Variants in LINGO2 observed in about 807,000 individuals in gnomAD.
LINGO2 encodes the protein leucine-rich repeat and immunoglobulin-like domain-containing nogo receptor-interacting protein 2.
Under a neutral mutation model 30.6 loss-of-function variants are expected in LINGO2, and 14 were observed. The ratio of observed to expected loss-of-function variants is 0.46; its 90% confidence interval spans 0.30 to 0.72. The LOEUF is 0.72. Among genes scored for constraint, LINGO2 ranks in the 30% least tolerant of loss-of-function variants. The pLI is 0.07. For missense variants in LINGO2, 729 were observed against 751.7 expected (o/e 0.97, Z 0.35); for synonymous variants, 317 against 288.5 (o/e 1.10, Z -1.00).
At chr9:28,068,891 G>C (rs1023671121) in intron 4 of LINGO2, among the ~76,000 whole-genome samples, 2 of 152,116 alleles carry the variant, frequency 1.3e-5, no homozygotes, top group Non-Finnish European at 2.9e-5. Context: ...AGTATACCAT[G>C]TGCTTACTAT....
the LINGO2 span, among the ~76,000 whole-genome samples, chr9:28,732,720 C>A: frequency 6.6e-6 from 1 of 152,238 alleles, no homozygotes; most frequent in East Asian, 1.9e-4. Flanking sequence ...ATGTGCAATG[C>A]CCAGTGCATT....
intron 1 of LINGO2, among the ~76,000 whole-genome samples, chr9:28,637,183 C>A (rs1311730517): frequency 6.6e-6 from 1 of 152,076 alleles, no homozygotes; most frequent in Non-Finnish European, 1.5e-5. Context: ...TGGTCTATAT[C>A]TCTGTTTTGG....
rs77468176 is a variant in LINGO2 at position 28,507,063 on chromosome 9, A to T, written c.-364-31038T>A. ...CACATTTACCAGCTGAAAATTCTTG[A>T]GCATCAAGGTCTAGGAAGGCAGCAA... On this transcript the variant is annotated intron_variant, in intron 1 of 5. Transcript: ENST00000379992. Among the ~76,000 whole-genome samples the T allele has an allele frequency of 2.0e-3, 298 of 152,262 alleles. 1 individual carries two copies. The highest frequency in any genetic ancestry group is 3.8e-3 in the Non-Finnish European group (257 of 67,992).
intron 4 of LINGO2, among the ~76,000 whole-genome samples, chr9:28,110,788 G>A (rs369992552): frequency 1.5e-4 from 23 of 152,132 alleles, no homozygotes; most frequent in African/African-American, 4.6e-4. Flanking sequence ...ACTGTTAGTG[G>A]GAGTGTAAAT....
At chr9:28,306,397 C>T (rs566538813) in intron 3 of LINGO2, among the ~76,000 whole-genome samples, 84 of 152,204 alleles carry the variant, frequency 5.5e-4, no homozygotes, top group African/African-American at 1.9e-3. Flanking sequence ...AAAGACACAA[C>T]GTACCAGAAT....
At chr9:28,441,622 A>G (rs1009795674) in intron 2 of LINGO2, among the ~76,000 whole-genome samples, 1 of 152,102 alleles carries the variant, frequency 6.6e-6, no homozygotes, top group African/African-American at 2.4e-5. Context: ...CAAGACAGGG[A>G]CTTTGACATC....
intron 1 of LINGO2, among the ~76,000 whole-genome samples, chr9:28,634,309 T>A (rs1010748066): frequency 3.9e-5 from 6 of 152,024 alleles, no homozygotes; most frequent in African/African-American, 1.4e-4. Context: ...AATGAGCATT[T>A]AAATTTACTA....
At chr9:28,565,012 C>T (rs1449408378) in intron 1 of LINGO2, among the ~76,000 whole-genome samples, 1 of 151,962 alleles carries the variant, frequency 6.6e-6, no homozygotes, top group Non-Finnish European at 1.5e-5. Flanking sequence ...TCCTGTACAC[C>T]CCTCCAAATT....
the LINGO2 span, among the ~76,000 whole-genome samples, chr9:28,798,868 G>A: frequency 1.3e-5 from 2 of 152,028 alleles, no homozygotes; most frequent in Admixed American, 1.3e-4. Flanking sequence ...GAAAAATAAG[G>A]ACACATATGT....
At chr9:28,891,695 C>T in the LINGO2 span, among the ~76,000 whole-genome samples, 12 of 151,970 alleles carry the variant, frequency 7.9e-5, no homozygotes, top group South Asian at 4.2e-4. Context: ...CATTCCTTAA[C>T]ATCTTTATAG....
the LINGO2 span, among the ~76,000 whole-genome samples, chr9:29,159,697 A>C: frequency 3.3e-5 from 5 of 152,046 alleles, no homozygotes; most frequent in Non-Finnish European, 5.9e-5. Flanking sequence ...TCTCTACTAA[A>C]AAATACAAAA....
At chr9:28,354,114 G>T (rs995759137) in intron 3 of LINGO2, among the ~76,000 whole-genome samples, 1 of 152,018 alleles carries the variant, frequency 6.6e-6, no homozygotes, top group Non-Finnish European at 1.5e-5. Flanking sequence ...TAACTAACCT[G>T]CACAATGTGC....
intron 4 of LINGO2, among the ~76,000 whole-genome samples, chr9:28,197,999 A>G (rs1820074957): frequency 6.6e-6 from 1 of 152,076 alleles, no homozygotes; most frequent in African/African-American, 2.4e-5. Context: ...ATGTGTGTGT[A>G]AACACATTAC....
chr9:28,432,285 G>A (rs977615527), intron 2 of LINGO2, among the ~76,000 whole-genome samples: 1 of 151,954 alleles, frequency 6.6e-6, no homozygotes, highest in African/African-American at 2.4e-5. Context: ...AACGGACACT[G>A]AATTTAATTA....
the LINGO2 span, among the ~76,000 whole-genome samples, chr9:29,062,241 A>T: frequency 6.6e-6 from 1 of 152,114 alleles, no homozygotes. Context: ...GTTGCTGGGG[A>T]TATAAAATGG....
At chr9:29,178,764 G>T in the LINGO2 span, among the ~76,000 whole-genome samples, 1 of 152,084 alleles carries the variant, frequency 6.6e-6, no homozygotes, top group South Asian at 2.1e-4. Flanking sequence ...TAAGCACAGA[G>T]TTAGAGCCAC....
chr9:28,460,195 C>T (rs1825022245), intron 2 of LINGO2, among the ~76,000 whole-genome samples: 1 of 152,090 alleles, frequency 6.6e-6, no homozygotes. Context: ...TAACTCCCTG[C>T]AGTCTGGAAA....
chr9:28,519,094 A>G (rs1820735057), intron 1 of LINGO2, among the ~76,000 whole-genome samples: 1 of 151,974 alleles, frequency 6.6e-6, no homozygotes, highest in East Asian at 1.9e-4. Flanking sequence ...GTGCGGTGGT[A>G]TGATCATTGT....
At chr9:28,052,785 TTC>T (rs1474351603) in intron 4 of LINGO2, among the ~76,000 whole-genome samples, 1 of 152,094 alleles carries the variant, frequency 6.6e-6, no homozygotes, top group Admixed American at 6.6e-5. Flanking sequence ...GACATCTTAG[TTC>T]TCAAGTACAT....
Sources: gnomAD v4.1 joint callset for allele counts (sites outside exome capture counted in the v4.1 genomes callset) on GRCh38, gnomAD v4.1.1 for gene constraint, MANE v1.5 for transcripts, NCBI Gene and HGNC (gene_info 2026-07-23, HGNC 2026-07-21) for gene names.